The following GADL1 variants were observed in gnomAD, a reference collection of about 807,000 sequenced individuals.
GADL1 encodes GAD like acidic amino acid decarboxylase 1, also known as acidic amino acid decarboxylase GADL1.
A neutral mutation model predicts 69.5 loss-of-function variants in GADL1; 71 were observed. That is an observed-to-expected ratio of 1.02 (90% CI 0.84 to 1.25). The LOEUF (loss-of-function observed/expected upper bound fraction) is 1.25. Ranked by LOEUF, GADL1 falls within the 50% of genes most tolerant of loss-of-function variation. The pLI, the probability that GADL1 is intolerant of heterozygous loss-of-function variation, is 0.00. For synonymous variants in GADL1, 254 were observed against 214.4 expected (o/e 1.18, Z -1.62); for missense variants, 737 against 631.8 (o/e 1.17, Z -1.79).
At chr3:30,800,700 A>G (rs1280252875) in intron 12 of GADL1, 189 bp downstream of exon 12, 1 of 601,186 alleles carries the variant, frequency 1.7e-6, no homozygotes. Flanking sequence ...CTTAGTAGGT[A>G]CTGAGAAAAT....
intron 11 of GADL1, among the ~76,000 whole-genome samples, chr3:30,801,995 A>T (rs936603147): frequency 6.6e-6 from 1 of 152,134 alleles, no homozygotes; most frequent in Admixed American, 6.5e-5. Flanking sequence ...TCTCTATTTT[A>T]TTATGATACT....
intron 14 of GADL1, among the ~76,000 whole-genome samples, chr3:30,770,819 AAG>A (rs930085417): frequency 2.2e-5 from 2 of 92,720 alleles, no homozygotes; most frequent in African/African-American, 2.4e-4. Context: ...GAAACAAGAG[AAG>A]AGAGGCTGTT....
chr3:30,831,533 G>A (rs1361588173), intron 11 of GADL1, among the ~76,000 whole-genome samples: 1 of 151,886 alleles, frequency 6.6e-6, no homozygotes, highest in African/African-American at 2.4e-5. Context: ...AAGGAGTCAC[G>A]TTTTGGGGGT....
chr3:30,846,321 G>GA (rs1186639968), intron 6 of GADL1, among the ~76,000 whole-genome samples: 1 of 152,092 alleles, frequency 6.6e-6, no homozygotes, highest in African/African-American at 2.4e-5. Context: ...TACAGAAGAC[G>GA]AAAAAAACTC....
chr3:30,884,446 A>G (rs977683488), intron 1 of GADL1, among the ~76,000 whole-genome samples: 4 of 152,058 alleles, frequency 2.6e-5, no homozygotes, highest in African/African-American at 9.7e-5. Context: ...AACCAAATTC[A>G]GTTCCCTAAA....
intron 14 of GADL1, among the ~76,000 whole-genome samples, chr3:30,766,848 G>A (rs1235274360): frequency 3.2e-4 from 15 of 47,504 alleles, no homozygotes; most frequent in Non-Finnish European, 2.4e-4. Context: ...ATGGGACAAG[G>A]GGGGAAACAT....
chr3:30,740,977 ATATATAT>A (rs1200975642), intron 14 of GADL1, among the ~76,000 whole-genome samples: 112 of 127,518 alleles, frequency 8.8e-4, no homozygotes, highest in South Asian at 1.8e-3. Context: ...TTATATATTA[ATATATAT>A]TATATATTAT....
intron 14 of GADL1, among the ~76,000 whole-genome samples, chr3:30,768,862 G>A (rs1009178030): frequency 2.6e-5 from 4 of 152,178 alleles, no homozygotes; most frequent in African/African-American, 9.7e-5. Flanking sequence ...TCCGCATTTA[G>A]TGTGTCATTT....
At chr3:30,745,928 T>C (rs1438570103) in intron 14 of GADL1, among the ~76,000 whole-genome samples, 26 of 151,778 alleles carry the variant, frequency 1.7e-4, no homozygotes, top group Non-Finnish European at 1.5e-5. Flanking sequence ...TTCTTCTTCT[T>C]CTCCTTCCCC....
intron 11 of GADL1, among the ~76,000 whole-genome samples, chr3:30,826,682 T>G (rs1028917874): frequency 2.8e-4 from 43 of 151,672 alleles, no homozygotes; most frequent in African/African-American, 1.0e-3. Context: ...TGAATGTCAT[T>G]CTGTTCATTA....
chr3:30,761,709 G>A (rs963172731), intron 14 of GADL1, among the ~76,000 whole-genome samples: 6 of 123,496 alleles, frequency 4.9e-5, no homozygotes. Flanking sequence ...ATTTGTGTGT[G>A]AGGGAAGTAG....
chr3:30,769,769 A>G (rs1696374968), intron 14 of GADL1, among the ~76,000 whole-genome samples: 1 of 152,164 alleles, frequency 6.6e-6, no homozygotes, highest in African/African-American at 2.4e-5. Context: ...GACAGATCTG[A>G]CAGTATGAGA....
At chr3:30,833,155 A>C (rs1012890163) in intron 11 of GADL1, among the ~76,000 whole-genome samples, 17 of 152,092 alleles carry the variant, frequency 1.1e-4, no homozygotes, top group African/African-American at 3.9e-4. Context: ...GATCTTGAGG[A>C]GGCATTTCTA....
chr3:30,741,600 C>T (rs1200193001), intron 14 of GADL1, among the ~76,000 whole-genome samples: 1 of 152,010 alleles, frequency 6.6e-6, no homozygotes, highest in Non-Finnish European at 1.5e-5. Flanking sequence ...CCGGTTACTA[C>T]CAACTTAGTC....
At chr3:30,786,697 A>G (rs146736529) in intron 12 of GADL1, among the ~76,000 whole-genome samples, 8 of 152,352 alleles carry the variant, frequency 5.3e-5, no homozygotes, top group Admixed American at 5.2e-4. Context: ...ATATCTCTGA[A>G]CATGTGGGTC....
At chr3:30,856,404 G>A (rs1020323070) in intron 3 of GADL1, among the ~76,000 whole-genome samples, 1 of 152,026 alleles carries the variant, frequency 6.6e-6, no homozygotes, top group African/African-American at 2.4e-5. Context: ...ATTACTGCAC[G>A]TACAAAGTTC....
intron 9 of GADL1, among the ~76,000 whole-genome samples, chr3:30,836,406 A>AAAAAC (rs1553601840): frequency 2.8e-4 from 43 of 151,546 alleles, no homozygotes; most frequent in African/African-American, 1.0e-3. Flanking sequence ...TTAAAAAAAA[A>AAAAAC]AAAACACCCC....
At chr3:30,827,396 A>T (rs1191991317) in intron 11 of GADL1, among the ~76,000 whole-genome samples, 1 of 151,324 alleles carries the variant, frequency 6.6e-6, no homozygotes, top group African/African-American at 2.4e-5. Context: ...ATTACATAAC[A>T]AATCTCTTGG....
intron 11 of GADL1, among the ~76,000 whole-genome samples, chr3:30,832,314 C>G (rs1302988883): frequency 6.7e-6 from 1 of 149,524 alleles, no homozygotes; most frequent in East Asian, 2.0e-4. Context: ...GTTTTATTGT[C>G]ACTAAGATTC....
Sources: allele counts gnomAD v4.1 joint callset (sites outside exome capture counted in the v4.1 genomes callset), GRCh38; gene constraint gnomAD v4.1.1; transcripts MANE v1.5; gene names NCBI Gene and HGNC (gene_info 2026-07-23, HGNC 2026-07-21).